Variants in DLG2 observed in about 807,000 individuals in gnomAD.
The protein encoded by DLG2 is discs large MAGUK scaffold protein 2.
In DLG2, 45 loss-of-function variants were observed where a neutral mutation model predicts 132.5. That is an observed-to-expected ratio of 0.34 (90% confidence interval 0.27 to 0.44). The LOEUF is 0.44. Among genes scored for constraint, DLG2 ranks in the 20% least tolerant of loss-of-function variants. The pLI, the probability that DLG2 is intolerant of heterozygous loss-of-function variation, is 1.00. For synonymous variants in DLG2, 424 were observed against 419.6 expected, an observed-to-expected ratio of 1.01 and a Z score of -0.13; for missense variants, 1,045 against 1,196.9, an observed-to-expected ratio of 0.87 and a Z score of 1.87.
At chr11:85,214,033 T>A (rs1356821529) in intron 4 of DLG2, among the ~76,000 whole-genome samples, 1 of 152,150 alleles carries the variant, frequency 6.6e-6, no homozygotes, top group Non-Finnish European at 1.5e-5. Flanking sequence ...AATCTCCTCC[T>A]TCTCATTATA....
In DLG2 at chr11:83,932,524, G is replaced by A. The variant is rs557878609; in HGVS notation, c.1341-2041C>T. ...GCTGGGATTACAGGCGTGAGCCACC[G>A]CGCCCGGCATATCTAATGGTTTTAT... is the stretch of plus-strand genomic sequence containing the variant. On this transcript the variant is annotated intron_variant, in intron 14 of 27. Transcript: ENST00000376104. Among the ~76,000 whole-genome samples the A allele has an allele frequency of 1.2e-4, 19 of 152,072 alleles. 1 individual carries two copies. Among genetic ancestry groups the A allele is most frequent in the African/African-American group, 4.3e-4 (18 of 41,474 alleles).
At chr11:84,670,826 A>C (rs1345413388) in intron 6 of DLG2, among the ~76,000 whole-genome samples, 1 of 150,176 alleles carries the variant, frequency 6.7e-6, no homozygotes, top group East Asian at 1.9e-4. Context: ...TCATAGTCCA[A>C]AGCACCATTT....
chr11:85,128,131 T>C (rs1249070532), intron 5 of DLG2, among the ~76,000 whole-genome samples: 1 of 152,192 alleles, frequency 6.6e-6, no homozygotes, highest in Non-Finnish European at 1.5e-5. Flanking sequence ...ATTAACCTGT[T>C]ATACATAATA....
chr11:84,032,853 C>G (rs190316161), intron 11 of DLG2, among the ~76,000 whole-genome samples: 1 of 152,196 alleles, frequency 6.6e-6, no homozygotes, highest in Admixed American at 6.5e-5. Context: ...TCCTGGAGCC[C>G]TTAAGAATTA....
chr11:83,553,964 T>C lies in DLG2; in HGVS notation c.1941-12106A>G, dbSNP rs551547238. ...AAGCTAGAGTGCAGTGGCGCAATCA[T>C]AGCTCACTACAAACTTGAACTCTGG... On this transcript the variant is annotated intron_variant, in intron 19 of 27. Coordinates refer to ENST00000376104, the MANE Select transcript of DLG2 (RefSeq NM_001142699.3). 4.0e-5 allele frequency among the ~76,000 whole-genome samples: 6 copies of C among 151,024 alleles called. No homozygotes were observed. In the South Asian group the frequency reaches 6.3e-4, roughly 16 times the overall value.
intron 6 of DLG2, among the ~76,000 whole-genome samples, chr11:84,849,793 G>A (rs532261821): frequency 6.6e-6 from 1 of 152,164 alleles, no homozygotes; most frequent in African/African-American, 2.4e-5. Context: ...ATCTTAGAAA[G>A]CTTGAACATC....
At chr11:85,392,949 A>G (rs2086932592) in intron 3 of DLG2, among the ~76,000 whole-genome samples, 2 of 152,176 alleles carry the variant, frequency 1.3e-5, no homozygotes, top group South Asian at 4.1e-4. Context: ...ACAAAAGCTG[A>G]TACAACAAAA....
intron 5 of DLG2, among the ~76,000 whole-genome samples, chr11:85,136,971 C>G (rs2152423294): frequency 6.6e-6 from 1 of 151,878 alleles, no homozygotes; most frequent in East Asian, 1.9e-4. Context: ...CATATGAGAA[C>G]CATATATTTA....
intron 7 of DLG2, among the ~76,000 whole-genome samples, chr11:84,280,830 AGCT>A (rs1194876139): frequency 6.9e-6 from 1 of 143,892 alleles, no homozygotes; most frequent in Admixed American, 6.9e-5. Flanking sequence ...CCCGAGTAGT[AGCT>A]GGAACTAGAG....
chr11:84,512,292 T>C (rs2099259274), intron 7 of DLG2, among the ~76,000 whole-genome samples: 1 of 152,140 alleles, frequency 6.6e-6, no homozygotes, highest in Admixed American at 6.6e-5. Flanking sequence ...GTCCACAGAT[T>C]TCTGAGTAAA....
rs142313982 is a variant in DLG2 at position 85,048,209 on chromosome 11, T to C, written c.357+63452A>G. ...GACTAAAAATGACTAGATTTCAAGA[T>C]TAATGAATGTTAACAAGAAAACTAA... On this transcript the variant is annotated intron_variant, in intron 6 of 27. Coordinates refer to ENST00000376104, the MANE Select transcript of DLG2 (RefSeq NM_001142699.3). 4.3e-3 allele frequency among the ~76,000 whole-genome samples: 653 copies of C among 152,084 alleles called. 4 individuals carry two copies. Among genetic ancestry groups the C allele is most frequent in the African/African-American group, 0.014 (590 of 41,526 alleles).
rs550921347 is a variant in DLG2, at chr11:83,895,197, G to A, written c.1497-20709C>T. ...ATGGAGTTCTGCTCTTGTTGCCCAG[G>A]TTGCCAGGCTGGAGTGCAATGGCAA... On this transcript the variant is annotated intron_variant, in intron 15 of 27. Coordinates refer to ENST00000376104, the MANE Select transcript of DLG2 (RefSeq NM_001142699.3). Among the ~76,000 whole-genome samples the A allele has an allele frequency of 1.2e-4, 16 of 128,018 alleles. No individual in the cohort carries two copies. In the East Asian group the frequency reaches 1.3e-3, roughly 10 times the overall value. 84.0% of individuals were successfully genotyped at this position (128,018 alleles called of 152,430 possible).
At chr11:84,339,532 T>A (rs141492667) in intron 7 of DLG2, among the ~76,000 whole-genome samples, 126 of 152,340 alleles carry the variant, frequency 8.3e-4, no homozygotes, top group African/African-American at 2.8e-3. Flanking sequence ...AAGACGGTGA[T>A]CTCTCCTGCT....
Position 84,570,502 on chromosome 11 carries a change from A to C in DLG2, c.358-35771T>G, listed in dbSNP as rs78539065. The stretch of plus-strand genomic sequence containing the variant: ...ATAGGATAGTGTGCATTCATCAGCT[A>C]TTATTTTCAATGCCTGGCACATAGT... On this transcript the variant is annotated intron_variant, in intron 6 of 27. Transcript: ENST00000376104. Among the ~76,000 whole-genome samples, 396 of 152,302 alleles carry C rather than the reference A, an allele frequency of 2.6e-3. 2 individuals carry two copies. The highest frequency in any genetic ancestry group is 8.9e-3 in the African/African-American group (368 of 41,570).
At chr11:85,061,803 T>C (rs979326065) in intron 6 of DLG2, among the ~76,000 whole-genome samples, 4 of 151,862 alleles carry the variant, frequency 2.6e-5, no homozygotes, top group African/African-American at 4.8e-5. Flanking sequence ...AACCAAAATA[T>C]ACAAAATAAC....
chr11:84,581,540 C>T (rs181064653), intron 6 of DLG2, among the ~76,000 whole-genome samples: 1 of 152,268 alleles, frequency 6.6e-6, no homozygotes, highest in African/African-American at 2.4e-5. Flanking sequence ...TAATTTTAAA[C>T]ATATGATAGA....
intron 7 of DLG2, among the ~76,000 whole-genome samples, chr11:84,455,408 T>C (rs1000116759): frequency 6.6e-6 from 1 of 151,342 alleles, no homozygotes; most frequent in Non-Finnish European, 1.5e-5. Flanking sequence ...GTACCTAATT[T>C]TAATTTCCAA....
At chr11:85,436,780 C>T (rs563273224) in intron 3 of DLG2, among the ~76,000 whole-genome samples, 9 of 152,222 alleles carry the variant, frequency 5.9e-5, no homozygotes, top group African/African-American at 1.9e-4. Context: ...AAATACCATT[C>T]GACCTAGCAA....
At chr11:83,890,835 C>T (rs567121026) in intron 15 of DLG2, among the ~76,000 whole-genome samples, 7 of 152,182 alleles carry the variant, frequency 4.6e-5, no homozygotes, top group South Asian at 4.2e-4. Flanking sequence ...AAGGAAAATA[C>T]GGCTAGAGCT....
Sources: gnomAD v4.1 joint callset for allele counts (sites outside exome capture counted in the v4.1 genomes callset) on GRCh38, gnomAD v4.1.1 for gene constraint, MANE v1.5 for transcripts, NCBI Gene and HGNC (gene_info 2026-07-23, HGNC 2026-07-21) for gene names.